BPTF: variants seen among roughly 807,000 people sequenced by gnomAD.
BPTF encodes bromodomain PHD finger transcription factor.
In BPTF, 18 loss-of-function variants were observed where a neutral mutation model predicts 292.5. That is an observed-to-expected ratio of 0.06 (90% CI 0.04 to 0.09). The LOEUF (loss-of-function observed/expected upper bound fraction) is 0.09, where lower values mean the gene tolerates loss of function less well. Ranked by LOEUF, BPTF falls within the 10% of genes least tolerant of loss-of-function variation. The pLI is 1.00. For missense variants in BPTF, 2,726 were observed against 3,498.7 expected, an observed-to-expected ratio of 0.78 and a Z score of 5.57; for synonymous variants, 1,225 against 1,251.9, an observed-to-expected ratio of 0.98 and a Z score of 0.45.
intron 9 of BPTF, among the ~76,000 whole-genome samples, chr17:67,905,324 C>T (rs2062103299): frequency 6.6e-6 from 1 of 151,998 alleles, no homozygotes. Flanking sequence ...AGGAGAATGG[C>T]TTAAACCCAG....
At chr17:67,940,342 A>C in intron 18 of BPTF, 97 bp from the exon 19 acceptor site, 1 of 1,096,684 alleles carries the variant, frequency 9.1e-7, no homozygotes, top group South Asian at 1.5e-5. Context: ...TTTTTTGAAG[A>C]TGGAAAAGAA....
intron 23 of BPTF, among the ~76,000 whole-genome samples, chr17:67,957,590 C>T (rs2067079774): frequency 6.6e-6 from 1 of 152,024 alleles, no homozygotes; most frequent in South Asian, 2.1e-4. Context: ...ATTCTTATGG[C>T]CGGGTGTAAG....
chr17:67,857,576 C>T (rs2058778275), intron 2 of BPTF, among the ~76,000 whole-genome samples: 1 of 151,340 alleles, frequency 6.6e-6, no homozygotes, highest in Non-Finnish European at 1.5e-5. Flanking sequence ...AAGCAGTCCT[C>T]CTGCTTCAGC....
At chr17:67,942,173 A>G (rs1470896397) in intron 19 of BPTF, among the ~76,000 whole-genome samples, 3 of 151,968 alleles carry the variant, frequency 2.0e-5, no homozygotes, top group Non-Finnish European at 4.4e-5. Flanking sequence ...AAAATTAGTC[A>G]GGCGTGGTGG....
chr17:67,872,728 A>G (rs73350892), intron 3 of BPTF, among the ~76,000 whole-genome samples: 2,779 of 152,190 alleles, frequency 0.018, 93 homozygotes, highest in African/African-American at 0.063. Context: ...AGAAAGAAAA[A>G]AGGAAATCTG....
intron 26 of BPTF, among the ~76,000 whole-genome samples, chr17:67,969,613 A>G (rs1404295994): frequency 2.7e-5 from 4 of 146,822 alleles, no homozygotes; most frequent in East Asian, 1.9e-4. Context: ...TTAGTTGAAT[A>G]TACCTTAGCT....
chr17:67,967,595 T>G (rs2068265936), intron 26 of BPTF, among the ~76,000 whole-genome samples: 1 of 151,978 alleles, frequency 6.6e-6, no homozygotes, highest in Non-Finnish European at 1.5e-5. Flanking sequence ...CCAAGGTGGA[T>G]GGATCACCTG....
At chr17:67,876,633 C>T (rs1041783180) in intron 4 of BPTF, among the ~76,000 whole-genome samples, 4 of 152,040 alleles carry the variant, frequency 2.6e-5, no homozygotes, top group Non-Finnish European at 5.9e-5. Context: ...TGTTGAAACC[C>T]CGTGTCTACT....
chr17:67,926,485 T>C (rs1400887665), intron 15 of BPTF, among the ~76,000 whole-genome samples: 1 of 151,580 alleles, frequency 6.6e-6, no homozygotes, highest in South Asian at 2.1e-4. Context: ...CCACCACGCC[T>C]GGCTAATTTT....
chr17:67,834,663 T>A (rs1437361211), intron 1 of BPTF, among the ~76,000 whole-genome samples: 1 of 152,206 alleles, frequency 6.6e-6, no homozygotes, highest in Non-Finnish European at 1.5e-5. Flanking sequence ...TTAACCCCTT[T>A]ATCTCTATCT....
chr17:67,835,158 T>C (rs551811883), intron 1 of BPTF, among the ~76,000 whole-genome samples: 132 of 152,126 alleles, frequency 8.7e-4, no homozygotes, highest in Admixed American at 1.9e-3. Flanking sequence ...CCTAGTCAGC[T>C]ATGGACCATG....
chr17:67,964,516 GCTAGT>G, intron 25 of BPTF, 112 bp downstream of exon 25: 1 of 1,302,356 alleles, frequency 7.7e-7, no homozygotes, highest in Non-Finnish European at 1.0e-6. Context: ...CTGACTCCCA[GCTAGT>G]CTAGTGAAGT....
Position 67,911,082 on chromosome 17 carries a change from G to A in BPTF, c.3198G>A (p.Arg1066=). ...KSSKLDGLLE[R]RIKQFTLEEK... is the part of the protein sequence containing the mutation. ...CCAAACTAGATGGACTTCTTGAAAG[G>A]AGAATTAAACAGTTTACACTGGAAG... The change falls in exon 11 of 28, where the codon AGG becomes AGA. Residue 1066 remains arginine (R), a synonymous_variant. Transcript: ENST00000306378. The A allele has an allele frequency of 6.2e-7, 1 of 1,601,712 alleles. No individual in the cohort carries two copies. Among genetic ancestry groups the A allele is most frequent in the Non-Finnish European group, 8.5e-7 (1 of 1,173,168 alleles).
chr17:67,844,014 C>T (rs2144561850), intron 1 of BPTF, among the ~76,000 whole-genome samples: 1 of 150,446 alleles, frequency 6.6e-6, no homozygotes, highest in Middle Eastern at 3.4e-3. Context: ...ATCCACCCAC[C>T]TCAGCCTCCC....
intron 4 of BPTF, among the ~76,000 whole-genome samples, chr17:67,884,421 C>CTT (rs60432162): frequency 6.8e-6 from 1 of 146,216 alleles, no homozygotes. Context: ...TGGCCCCTCC[C>CTT]TTTTTTTTTT....
Position 67,912,897 on chromosome 17 carries a change from A to G in BPTF, c.5013A>G (p.Thr1671=), listed in dbSNP as rs377610827. The G allele has an allele frequency of 1.2e-6, 2 of 1,614,218 alleles. No homozygotes were observed. Among genetic ancestry groups the G allele is most frequent in the East Asian group, 2.2e-5 (1 of 44,884 alleles). ...ACTCCCTGACCACCACGGGAGGCAC[A>G]CTGGTTACATCTATGACTGTGAGCA... is the stretch of plus-strand genomic sequence containing the variant. ...VTDSLTTTGG[T]LVTSMTVSKE... Residue 1671 remains threonine (T), a synonymous_variant, in exon 11 of 28, where the codon ACA becomes ACG. Coordinates refer to ENST00000306378, the MANE Select transcript of BPTF (RefSeq NM_182641.4).
At chr17:67,891,711 A>T in intron 4 of BPTF, 133 bp from the exon 5 acceptor site, 1 of 523,770 alleles carries the variant, frequency 1.9e-6, no homozygotes, top group Non-Finnish European at 3.1e-6. Flanking sequence ...TTGCTTTGCC[A>T]TTCAAGGGCC....
intron 7 of BPTF, among the ~76,000 whole-genome samples, chr17:67,899,166 G>A (rs1490667370): frequency 6.6e-6 from 1 of 152,102 alleles, no homozygotes; most frequent in Admixed American, 6.6e-5. Flanking sequence ...AATTGCTGAA[G>A]CAATAATGCA....
At chr17:67,876,678 C>T (rs771660851) in intron 4 of BPTF, among the ~76,000 whole-genome samples, 15 of 152,034 alleles carry the variant, frequency 9.9e-5, no homozygotes, top group South Asian at 2.1e-4. Flanking sequence ...TGATATCATG[C>T]GCCTGTAATC....
Sources: allele counts gnomAD v4.1 joint callset (sites outside exome capture counted in the v4.1 genomes callset), GRCh38; gene constraint gnomAD v4.1.1; transcripts MANE v1.5; gene names NCBI Gene and HGNC (gene_info 2026-07-23, HGNC 2026-07-21).